DDR2: variants seen among roughly 807,000 people sequenced by gnomAD.
The protein encoded by DDR2 is discoidin domain receptor tyrosine kinase 2, also known as discoidin domain-containing receptor 2.
DDR2 carries 27 observed loss-of-function variants against 94.9 expected under a neutral mutation model. The ratio of observed to expected loss-of-function variants is 0.28; its 90% CI spans 0.21 to 0.39. DDR2 has a LOEUF of 0.39. DDR2 is among the 10% of genes least tolerant of loss of function. The pLI is 1.00. For missense variants in DDR2, 783 were observed against 1,076.0 expected (o/e 0.73, Z 3.81); for synonymous variants, 382 against 377.2 (o/e 1.01, Z -0.15).
chr1:162,723,938 C>A (rs1452152011), intron 3 of DDR2, among the ~76,000 whole-genome samples: 1 of 152,146 alleles, frequency 6.6e-6, no homozygotes, highest in African/African-American at 2.4e-5. Context: ...AGAGGACGAG[C>A]TTTTCTCCTC....
At chr1:162,758,062 T>C (rs72711587) in intron 7 of DDR2, among the ~76,000 whole-genome samples, 8,613 of 152,098 alleles carry the variant, frequency 0.057, 290 homozygotes, top group Admixed American at 0.076. Context: ...CTTAGTTCAG[T>C]AGGGGATGAT....
chr1:162,708,368 G>A (rs542802563), intron 2 of DDR2, among the ~76,000 whole-genome samples: 1 of 152,170 alleles, frequency 6.6e-6, no homozygotes, highest in African/African-American at 2.4e-5. Context: ...TGTTGATTGG[G>A]CCTGCACTAA....
At chr1:162,695,750 AC>A (rs576384838) in intron 2 of DDR2, among the ~76,000 whole-genome samples, 30 of 152,232 alleles carry the variant, frequency 2.0e-4, no homozygotes, top group Non-Finnish European at 4.0e-4. Context: ...ACTCATAGCT[AC>A]CATTTACTGA....
intron 3 of DDR2, among the ~76,000 whole-genome samples, chr1:162,744,930 G>A (rs1268624877): frequency 6.6e-6 from 1 of 152,152 alleles, no homozygotes; most frequent in Non-Finnish European, 1.5e-5. Context: ...CCTCCATACT[G>A]ACTGCATCAT....
intron 7 of DDR2, among the ~76,000 whole-genome samples, chr1:162,756,245 C>A (rs1183193726): frequency 1.3e-5 from 2 of 152,062 alleles, no homozygotes; most frequent in Non-Finnish European, 2.9e-5. Flanking sequence ...AAGGAAAGTT[C>A]TAGGTTAAGA....
chr1:162,774,545 T>C (rs1647415941), intron 14 of DDR2, among the ~76,000 whole-genome samples: 1 of 152,194 alleles, frequency 6.6e-6, no homozygotes, highest in Non-Finnish European at 1.5e-5. Context: ...TTTCAATCTT[T>C]AAGATACTGG....
At chr1:162,678,255 C>A (rs1659232104) in intron 2 of DDR2, among the ~76,000 whole-genome samples, 1 of 48,424 alleles carries the variant, frequency 2.1e-5, no homozygotes, top group Non-Finnish European at 8.3e-5. Context: ...GGTTAAGTAA[C>A]TTTTTGAACT....
At chr1:162,728,421 G>A (rs1229695645) in intron 3 of DDR2, among the ~76,000 whole-genome samples, 2 of 151,950 alleles carry the variant, frequency 1.3e-5, no homozygotes, top group African/African-American at 4.8e-5. Flanking sequence ...AAAAGGCACA[G>A]AGGCACAAAT....
rs1661296979 is a variant in DDR2, at chr1:162,719,131, C to T, written c.68C>T (p.Ala23Val). The T allele has an allele frequency of 1.3e-5, 21 of 1,613,638 alleles. No individual in the cohort carries two copies. Among genetic ancestry groups the T allele is most frequent in the Non-Finnish European group, 1.7e-5 (20 of 1,179,782 alleles). Reference sequence around the variant, plus strand: ...CTGCCTATCTTGAGTTCTGCAAAAGCTCAGGTTAATCCAGGTAACATGGCT... The same window carrying T: ...CTGCCTATCTTGAGTTCTGCAAAAGTTCAGGTTAATCCAGGTAACATGGCT... Reference protein sequence around the residue: ...LLLPILSSAKAQVNPAICRYP... With the variant: ...LLLPILSSAKVQVNPAICRYP... The change falls in exon 3 of 18, where the codon GCT becomes GTT. Residue 23 changes from alanine to valine, a missense_variant. By Grantham distance (64) the Ala-to-Val change is moderately conservative (BLOSUM62 0). This residue lies in a region of DDR2 where 519 missense variants were observed against 647.9 expected (regional missense o/e 0.80). Transcript: ENST00000367921.
chr1:162,635,713 T>C (rs1451466272), intron 1 of DDR2, among the ~76,000 whole-genome samples: 2 of 152,176 alleles, frequency 1.3e-5, no homozygotes, highest in African/African-American at 4.8e-5. Context: ...ATGAGGACTG[T>C]TCACCAGGAA....
intron 2 of DDR2, among the ~76,000 whole-genome samples, chr1:162,708,882 G>A (rs1462149238): frequency 1.3e-5 from 2 of 152,176 alleles, no homozygotes; most frequent in African/African-American, 4.8e-5. Flanking sequence ...AGTATGGCTA[G>A]GGGTGGCATG....
intron 10 of DDR2, 53 bp downstream of exon 10, chr1:162,766,116 T>C (rs1663978126): frequency 6.3e-7 from 1 of 1,591,760 alleles, no homozygotes; most frequent in African/African-American, 1.3e-5. Context: ...TACTGGGGGA[T>C]GAAGAAGGGT....
chr1:162,697,315 A>G (rs143535696), intron 2 of DDR2, among the ~76,000 whole-genome samples: 2 of 152,146 alleles, frequency 1.3e-5, no homozygotes, highest in Admixed American at 6.5e-5. Flanking sequence ...TGATCTCTTC[A>G]GTGGGTCATA....
intron 1 of DDR2, among the ~76,000 whole-genome samples, chr1:162,641,310 C>T (rs140107144): frequency 7.3e-4 from 111 of 152,316 alleles, no homozygotes; most frequent in Middle Eastern, 3.4e-3. Context: ...ACAGATAAGA[C>T]TTGAGTCGCT....
intron 2 of DDR2, among the ~76,000 whole-genome samples, chr1:162,708,182 C>T (rs991948641): frequency 3.3e-5 from 5 of 152,198 alleles, no homozygotes; most frequent in Admixed American, 6.5e-5. Flanking sequence ...AAAGGGCAGA[C>T]AGACCCTGCC....
At position 162,782,071 on chromosome 1, in the gene DDR2, T is replaced by C. The variant is rs950405034; in HGVS notation, c.*1825T>C. 2.6e-5 allele frequency: 4 copies of C among 152,240 alleles called. No individual in the cohort carries two copies. The highest frequency in any genetic ancestry group is 9.6e-5 in the African/African-American group (4 of 41,458). The allele number at this position is 152,240 out of a possible 1,614,324, so 9.4% of individuals were successfully genotyped here. A position where few individuals can be genotyped will look rare whatever the true frequency, so the allele number is the denominator to read the frequency against. On this transcript the variant is annotated 3_prime_UTR_variant, in exon 18 of 18. Coordinates refer to ENST00000367921, the MANE Select transcript of DDR2 (RefSeq NM_006182.4). Reference sequence around the variant, plus strand: ...CCTTTCCCCATAGTTGTCCTATGCCTTTGGGCTTTAGTCTATCCCAGGACT... The same window carrying C: ...CCTTTCCCCATAGTTGTCCTATGCCCTTGGGCTTTAGTCTATCCCAGGACT...
chr1:162,753,907 T>A (rs533698583), intron 4 of DDR2, among the ~76,000 whole-genome samples: 24 of 152,222 alleles, frequency 1.6e-4, no homozygotes, highest in Admixed American at 3.9e-4. Context: ...AATTTCTTAG[T>A]GTATGAAAGA....
chr1:162,718,409 T>C (rs1299160290), intron 2 of DDR2, among the ~76,000 whole-genome samples: 1 of 152,226 alleles, frequency 6.6e-6, no homozygotes, highest in Admixed American at 6.5e-5. Flanking sequence ...AACATATGTG[T>C]GTATACTAAC....
chr1:162,661,289 A>G (rs142027530), intron 2 of DDR2, among the ~76,000 whole-genome samples: 25 of 152,370 alleles, frequency 1.6e-4, no homozygotes, highest in African/African-American at 6.0e-4. Context: ...ACTTTCCCCA[A>G]GAATTGGAAT....
Sources: gnomAD v4.1 joint callset for allele counts (sites outside exome capture counted in the v4.1 genomes callset) on GRCh38, gnomAD v4.1.1 for gene constraint, gnomAD v4.1.1 regional missense constraint, MANE v1.5 for transcripts, NCBI Gene and HGNC (gene_info 2026-07-23, HGNC 2026-07-21) for gene names.